EEF1D: variants seen among roughly 807,000 people sequenced by gnomAD.
The protein encoded by EEF1D is eukaryotic translation elongation factor 1 delta.
Under a neutral mutation model 63.9 loss-of-function variants are expected in EEF1D, and 47 were observed. The observed-to-expected ratio is 0.74, with a 90% CI of 0.58 to 0.94. The LOEUF (loss-of-function observed/expected upper bound fraction) is 0.94. Ranked by LOEUF, EEF1D falls within the 40% of genes least tolerant of loss-of-function variation. EEF1D has a pLI of 0.00. For missense variants in EEF1D, 907 were observed against 899.0 expected (o/e 1.01, Z -0.11); for synonymous variants, 412 against 386.1 (o/e 1.07, Z -0.79).
At chr8:143,584,065 C>G (rs1407599618) in intron 5 of EEF1D, 3 of 152,256 alleles carry the variant, frequency 2.0e-5, no homozygotes, top group Non-Finnish European at 4.4e-5. Flanking sequence ...CTTCTGGCCC[C>G]CGGAACTGTA....
At chr8:143,587,021 CCT>C in intron 3 of EEF1D, 169 bp from the exon 4 acceptor site, 1 of 858,390 alleles carries the variant, frequency 1.2e-6, no homozygotes. Context: ...CATCCCCAGG[CCT>C]GTCTTCCAGA....
At chr8:143,588,372 C>A (rs536304610) in intron 3 of EEF1D, among the ~76,000 whole-genome samples, 1 of 152,348 alleles carries the variant, frequency 6.6e-6, no homozygotes, top group Admixed American at 6.5e-5. Flanking sequence ...GCCCCAGAGA[C>A]CGCTGCTGGG....
rs1446184560 is a variant in EEF1D at position 143,586,423 on chromosome 8, C to T, written c.1216-133G>A. 24 of 873,396 alleles carry T rather than the reference C, an allele frequency of 2.7e-5. No homozygotes were observed. In the East Asian group the frequency reaches 4.7e-4, roughly 17 times the overall value. 54.1% of individuals were successfully genotyped at this position (873,396 alleles called of 1,614,324 possible). A position where few individuals can be genotyped will look rare whatever the true frequency, so the allele number is the denominator to read the frequency against. ...AGTACTGCACAGAACGAGAGCTTGG[C>T]GGGCCAGAAAAGCGGGAGATGCCTG... On this transcript the variant is annotated intron_variant, in intron 4 of 9. Coordinates refer to ENST00000618139, the MANE Select transcript of EEF1D (RefSeq NM_001130053.5).
Position 143,581,291 on chromosome 8 carries a change from T to A in EEF1D, c.1325A>T (p.Asp442Val). The change falls in exon 6 of 10, where the codon GAC becomes GTC. Residue 442 changes from aspartate to valine, a missense_variant. Coordinates refer to ENST00000618139, the MANE Select transcript of EEF1D (RefSeq NM_001130053.5). ...AATCCGGACGACGAGCTCACCGTGG[T>A]CTCCGCTGGTGCCGCTGGAGGCCCC... ...GPGASSGTSG[D>V]HGELVVRIAS... is the part of the protein sequence containing the mutation. The A allele has an allele frequency of 6.2e-7, 1 of 1,612,126 alleles. No homozygotes were observed. Among genetic ancestry groups the A allele is most frequent in the Non-Finnish European group, 8.5e-7 (1 of 1,179,980 alleles).
rs200720414 is a variant in EEF1D at position 143,589,309 on chromosome 8, T to C, written c.773A>G (p.Lys258Arg). 8.2e-4 allele frequency: 1,295 copies of C among 1,587,632 alleles called. 2 individuals carry two copies. Among genetic ancestry groups the C allele is most frequent in the Admixed American group, 1.3e-3 (76 of 57,318 alleles). The change falls in exon 3 of 10, where the codon AAG becomes AGG. Residue 258 changes from lysine (K) to arginine (R), a missense_variant. Coordinates refer to ENST00000618139, the MANE Select transcript of EEF1D (RefSeq NM_001130053.5). ...EALFDGHPPG[K>R]VRLQERAGLA... The stretch of plus-strand genomic sequence containing the variant: ...GCCGGCTCGCTCTTGCAGGCGCACC[T>C]TCCCTGGGGGATGGCCGTCAAACAG...
At chr8:143,591,381 C>T (rs994827684) in intron 2 of EEF1D, among the ~76,000 whole-genome samples, 5 of 152,194 alleles carry the variant, frequency 3.3e-5, no homozygotes, top group Admixed American at 2.0e-4. Context: ...GCCGGGGGCA[C>T]GCTCTGCTCC....
chr8:143,588,243 A>G (rs1022825186), intron 3 of EEF1D, among the ~76,000 whole-genome samples: 2 of 152,134 alleles, frequency 1.3e-5, no homozygotes, highest in Admixed American at 6.5e-5. Flanking sequence ...TGGGACCTTC[A>G]GAGTCCTTCC....
intron 2 of EEF1D, chr8:143,590,570 C>T (rs2131177989): frequency 2.8e-6 from 3 of 1,086,214 alleles, no homozygotes; most frequent in Middle Eastern, 4.1e-4. Flanking sequence ...GTCCTGGCCA[C>T]ACCACTGCCA....
In EEF1D at chr8:143,589,046, G is replaced by C; in HGVS notation, c.1036C>G (p.Leu346Val). The change falls in exon 3 of 10, where the codon CTG (leucine) becomes GTG (valine). Residue 346 changes from leucine to valine, a missense_variant. Coordinates refer to ENST00000618139, the MANE Select transcript of EEF1D (RefSeq NM_001130053.5). ...GACCGAGGACCGGGTCGGTGAGACA[G>C]GGAGGCAGCTTCGAGGCACCAGGCC... The part of the protein sequence containing the change: ...RVAWCLEAAS[L>V]SHRPGPRSGL... The C allele has an allele frequency of 6.2e-7, 1 of 1,605,840 alleles. No homozygotes were observed. Among genetic ancestry groups the C allele is most frequent in the Non-Finnish European group, 8.5e-7 (1 of 1,179,540 alleles).
chr8:143,580,823 TG>T, intron 7 of EEF1D, 96 bp from the exon 8 acceptor site: 2 of 1,416,430 alleles, frequency 1.4e-6, no homozygotes, highest in Non-Finnish European at 2.0e-6. Flanking sequence ...CTCCTTTGAC[TG>T]GAGGAAGGGC....
chr8:143,593,401 G>C (rs566141920), intron 1 of EEF1D, among the ~76,000 whole-genome samples: 1 of 152,320 alleles, frequency 6.6e-6, no homozygotes, highest in African/African-American at 2.4e-5. Flanking sequence ...AGGGCAGCTG[G>C]GCACAGCTGA....
chr8:143,591,433 G>A (rs1827935453), intron 2 of EEF1D, among the ~76,000 whole-genome samples: 1 of 152,218 alleles, frequency 6.6e-6, no homozygotes, highest in Non-Finnish European at 1.5e-5. Flanking sequence ...AGGCCCAGAA[G>A]GCCAGGGGCA....
chr8:143,592,251 C>T, intron 2 of EEF1D: 1 of 985,538 alleles, frequency 1.0e-6, no homozygotes, highest in Non-Finnish European at 1.2e-6. Flanking sequence ...ACTGAGCTGG[C>T]CCCCAGTGTT....
chr8:143,589,784 C>T lies in EEF1D; in HGVS notation c.298G>A (p.Asp100Asn). 5.1e-6 allele frequency: 8 copies of T among 1,571,604 alleles called. No homozygotes were observed. The highest frequency in any genetic ancestry group is 6.9e-6 in the Non-Finnish European group (8 of 1,160,278). ...GCCGAGAGGCCCAGGAGGGCCAGGT[C>T]CGCGGGGCCGAGCCCGCTCTTGGGG... ...RSPKSGLGPA[D>N]LALLGLSAER... is the part of the protein sequence containing the mutation. Residue 100 changes from aspartate to asparagine, a missense_variant, in exon 3 of 10, where the codon GAC becomes AAC. Coordinates refer to ENST00000618139, the MANE Select transcript of EEF1D (RefSeq NM_001130053.5).
intron 5 of EEF1D, 160 bp from the exon 6 acceptor site, chr8:143,581,488 G>T: frequency 1.6e-6 from 1 of 642,296 alleles, no homozygotes; most frequent in Admixed American, 2.9e-5. Flanking sequence ...CCTCAGAGGT[G>T]GCGGCCACCA....
At chr8:143,590,541 C>T (rs778000760) in intron 2 of EEF1D, 17 of 1,160,870 alleles carry the variant, frequency 1.5e-5, no homozygotes, top group Non-Finnish European at 1.8e-5. Flanking sequence ...TCCCATTCTA[C>T]AGAACGGTCT....
At chr8:143,580,925 G>T in intron 7 of EEF1D, 129 bp downstream of exon 7, 2 of 1,202,308 alleles carry the variant, frequency 1.7e-6, no homozygotes, top group South Asian at 2.7e-5. Flanking sequence ...AAACCTTCCT[G>T]GGGACCTGAG....
At chr8:143,580,806 C>G (rs979353041) in intron 7 of EEF1D, 79 bp from the exon 8 acceptor site, 2 of 1,498,474 alleles carry the variant, frequency 1.3e-6, no homozygotes, top group African/African-American at 1.4e-5. Context: ...CCTCCTGGCC[C>G]TCCTCCCTCC....
intron 2 of EEF1D, chr8:143,590,431 T>C (rs1827758266): frequency 1.4e-6 from 1 of 719,680 alleles, no homozygotes; most frequent in East Asian, 3.0e-5. Context: ...ACACTAAAAA[T>C]TTTTCGTCAT....
Sources: gnomAD v4.1 joint callset for allele counts (sites outside exome capture counted in the v4.1 genomes callset) on GRCh38, gnomAD v4.1.1 for gene constraint, MANE v1.5 for transcripts, NCBI Gene and HGNC (gene_info 2026-07-23, HGNC 2026-07-21) for gene names.